Variants in CCDC3 observed in about 807,000 individuals in gnomAD.
CCDC3 encodes the protein coiled-coil domain-containing protein 3.
CCDC3 carries 24 observed loss-of-function variants against 21.4 expected under a neutral mutation model. The observed-to-expected ratio is 1.12, with a 90% CI of 0.81 to 1.58. CCDC3 has a LOEUF of 1.58. CCDC3 is among the 40% of genes most tolerant of loss of function. The pLI is 0.00. For synonymous variants in CCDC3, 186 were observed against 166.0 expected (o/e 1.12, Z -0.93); for missense variants, 425 against 360.9 (o/e 1.18, Z -1.44).
intron 4 of CCDC3, chr10:13,058,133 C>G (rs1836706050): frequency 5.8e-6 from 5 of 859,590 alleles, no homozygotes; most frequent in Non-Finnish European, 9.9e-6. Flanking sequence ...AGAATCATAA[C>G]CAGGGAATCA....
At chr10:12,948,728 G>GTTTTTTGTT (rs1834961361) in intron 2 of CCDC3, among the ~76,000 whole-genome samples, 1 of 91,072 alleles carries the variant, frequency 1.1e-5, no homozygotes, top group Non-Finnish European at 2.0e-5. Flanking sequence ...TTTTAAGGCA[G>GTTTTTTGTT]TTTTTTTTTT....
At chr10:12,931,626 G>C (rs1183812153) in intron 2 of CCDC3, among the ~76,000 whole-genome samples, 1 of 152,246 alleles carries the variant, frequency 6.6e-6, no homozygotes, top group Non-Finnish European at 1.5e-5. Context: ...TGTTCTGAGA[G>C]TCATTCCTGC....
At chr10:12,935,202 T>C (rs1379332834) in intron 2 of CCDC3, among the ~76,000 whole-genome samples, 1 of 152,184 alleles carries the variant, frequency 6.6e-6, no homozygotes, top group Non-Finnish European at 1.5e-5. Flanking sequence ...AAGTGAGCTT[T>C]TTATAGACAA....
At chr10:12,957,692 C>T (rs950643703) in intron 2 of CCDC3, among the ~76,000 whole-genome samples, 35 of 152,132 alleles carry the variant, frequency 2.3e-4, no homozygotes, top group Admixed American at 7.9e-4. Context: ...CTACCTCCCT[C>T]GTTGTTCTGG....
At chr10:13,001,157 C>T in intron 1 of CCDC3, 40 bp downstream of exon 1, 2 of 1,480,110 alleles carry the variant, frequency 1.4e-6, no homozygotes, top group Non-Finnish European at 1.8e-6. Context: ...GGAGGTGGCG[C>T]AGAGAGAGAG....
chr10:12,993,772 G>A (rs1835714550), intron 2 of CCDC3, among the ~76,000 whole-genome samples: 1 of 152,124 alleles, frequency 6.6e-6, no homozygotes, highest in Non-Finnish European at 1.5e-5. Flanking sequence ...CTGACATCTT[G>A]GCAGCTTTTG....
chr10:13,056,710 G>A (rs1836685519), intron 4 of CCDC3, among the ~76,000 whole-genome samples: 1 of 152,178 alleles, frequency 6.6e-6, no homozygotes, highest in Non-Finnish European at 1.5e-5. Flanking sequence ...TGGGCCTGGG[G>A]TCAGAGTAAC....
At chr10:13,023,660 G>C (rs1175239857) in intron 5 of CCDC3, among the ~76,000 whole-genome samples, 1 of 152,102 alleles carries the variant, frequency 6.6e-6, no homozygotes, top group Non-Finnish European at 1.5e-5. Context: ...TTCATTCAGG[G>C]CCACCAGAGC....
At chr10:12,942,101 T>C (rs1174703839) in intron 2 of CCDC3, among the ~76,000 whole-genome samples, 2 of 152,190 alleles carry the variant, frequency 1.3e-5, no homozygotes, top group African/African-American at 4.8e-5. Flanking sequence ...TTGTTTTCTC[T>C]AGAACCTTAC....
At chr10:13,076,311 T>C (rs1228990982) in intron 3 of CCDC3, among the ~76,000 whole-genome samples, 2 of 152,200 alleles carry the variant, frequency 1.3e-5, no homozygotes. Context: ...CCAGAGCAAC[T>C]CCATCTTGGG....
At chr10:12,976,270 G>A (rs562086775) in intron 2 of CCDC3, among the ~76,000 whole-genome samples, 2 of 152,324 alleles carry the variant, frequency 1.3e-5, no homozygotes, top group Admixed American at 1.3e-4. Context: ...GGCGTTTTAG[G>A]ACCTGGTGGT....
chr10:12,962,701 G>A (rs1835198871), intron 2 of CCDC3, among the ~76,000 whole-genome samples: 1 of 152,162 alleles, frequency 6.6e-6, no homozygotes, highest in Admixed American at 6.5e-5. Context: ...GGGTCAGAAG[G>A]AAAAGCTAAG....
intron 4 of CCDC3, among the ~76,000 whole-genome samples, chr10:13,065,260 T>C (rs1349291052): frequency 1.3e-5 from 2 of 152,232 alleles, no homozygotes; most frequent in African/African-American, 2.4e-5. Flanking sequence ...TACAAGGATC[T>C]TATGTTTAGT....
intron 3 of CCDC3, among the ~76,000 whole-genome samples, chr10:13,074,580 C>G (rs958841878): frequency 6.6e-6 from 1 of 151,522 alleles, no homozygotes; most frequent in East Asian, 1.9e-4. Flanking sequence ...CCCCCTCCCC[C>G]TCTCCCACTC....
rs561141901 is a variant in CCDC3, at chr10:13,058,779, C to T, written c.-269-8838G>A. On this transcript the variant is annotated intron_variant, in intron 4 of 6. Transcript: ENST00000378839. Reference sequence around the variant, plus strand: ...ATGTATGAATTTTTAAATTAACAAGCAGGACTTGTTGTTTGGAGGTGGATG... The same window carrying T: ...ATGTATGAATTTTTAAATTAACAAGTAGGACTTGTTGTTTGGAGGTGGATG... 3 of 204,166 alleles carry T rather than the reference C, an allele frequency of 1.5e-5. No individual in the cohort carries two copies. In the South Asian group the frequency reaches 3.0e-4, roughly 20 times the overall value. The allele number at this position is 204,166 out of a possible 1,614,324, so 12.6% of individuals were successfully genotyped here. A position where few individuals can be genotyped will look rare whatever the true frequency, so the allele number is the denominator to read the frequency against.
chr10:12,919,381 A>G lies in CCDC3; in HGVS notation c.550-20702T>C, dbSNP rs78656510. 7.7e-3 allele frequency among the ~76,000 whole-genome samples: 1,165 copies of G among 152,256 alleles called. 15 individuals are homozygous for G. The highest frequency in any genetic ancestry group is 0.03 in the East Asian group (157 of 5,160). ...GAGGCCGGCGGATCACTTGAGGTCA[A>G]GAGTTTGCCATCAGCCTGGCCAACA... On this transcript the variant is annotated intron_variant, in intron 2 of 2. Transcript: ENST00000378825.
intron 5 of CCDC3, among the ~76,000 whole-genome samples, chr10:13,007,749 G>A (rs190784970): frequency 1.4e-3 from 217 of 152,216 alleles, no homozygotes; most frequent in Non-Finnish European, 2.6e-3. Context: ...ATACAAAATA[G>A]TGGAAAATAT....
At chr10:13,094,313 C>A (rs980755361) in intron 3 of CCDC3, among the ~76,000 whole-genome samples, 3 of 151,960 alleles carry the variant, frequency 2.0e-5, no homozygotes, top group African/African-American at 7.3e-5. Context: ...GGCTGGAGTG[C>A]AATGGCACGA....
chr10:12,966,774 C>G (rs1276640128), intron 2 of CCDC3, among the ~76,000 whole-genome samples: 1 of 152,170 alleles, frequency 6.6e-6, no homozygotes, highest in African/African-American at 2.4e-5. Flanking sequence ...GGTGAGGAAA[C>G]CAGTATTTAT....
Sources: allele counts gnomAD v4.1 joint callset (sites outside exome capture counted in the v4.1 genomes callset), GRCh38; gene constraint gnomAD v4.1.1; transcripts MANE v1.5; gene names NCBI Gene and HGNC (gene_info 2026-07-23, HGNC 2026-07-21).